ALPK2: variants seen among roughly 807,000 people sequenced by gnomAD.
The protein encoded by ALPK2 is alpha-protein kinase 2.
ALPK2 carries 127 observed loss-of-function variants against 163.1 expected under a neutral mutation model. That is an observed-to-expected ratio of 0.78 (90% CI 0.67 to 0.90). The LOEUF is 0.90. Among genes scored for constraint, ALPK2 ranks in the 40% least tolerant of loss-of-function variants. The pLI is 0.00. For missense variants in ALPK2, 2,360 were observed against 2,589.6 expected (o/e 0.91, Z 1.92); for synonymous variants, 953 against 959.1 (o/e 0.99, Z 0.12).
chr18:58,599,153 G>A (rs2052056281), intron 3 of ALPK2, among the ~76,000 whole-genome samples: 2 of 152,108 alleles, frequency 1.3e-5, no homozygotes, highest in African/African-American at 4.8e-5. Context: ...CCAGAACCTG[G>A]CCTATAACCA....
At chr18:58,503,554 C>T (rs1214545312) in intron 11 of ALPK2, among the ~76,000 whole-genome samples, 4 of 152,012 alleles carry the variant, frequency 2.6e-5, no homozygotes, top group African/African-American at 9.7e-5. Flanking sequence ...TTTTAATTAG[C>T]CAGGTGTGGT....
chr18:58,536,985 A>G lies in ALPK2; in HGVS notation c.3202T>C (p.Ser1068Pro). 1 of 1,614,174 alleles carries G rather than the reference A, an allele frequency of 6.2e-7. No individual in the cohort carries two copies. The highest frequency in any genetic ancestry group is 1.1e-5 in the South Asian group (1 of 91,082). The stretch of plus-strand genomic sequence containing the variant: ...GCCCTGCAAAGTAGCTCTTTTGTAG[A>G]TTTGATGGTAGCACCACTTAAAATA... Reference protein sequence around the residue: ...DHILSGATIKSTKELLCRAPS... With the variant: ...DHILSGATIKPTKELLCRAPS... The change falls in exon 5 of 13, where the codon TCT (serine) becomes CCT (proline). Residue 1068 changes from serine (S) to proline (P), a missense_variant. Transcript: ENST00000361673.
In ALPK2 at chr18:58,579,308, A is replaced by G. The variant is rs2144197946; in HGVS notation, c.1468T>C (p.Ser490Pro). 1 of 1,614,008 alleles carries G rather than the reference A, an allele frequency of 6.2e-7. No individual in the cohort carries two copies. Among genetic ancestry groups the G allele is most frequent in the East Asian group, 2.2e-5 (1 of 44,866 alleles). The stretch of plus-strand genomic sequence containing the variant: ...AGCTTCATCTCTGTCTCTCTTACTG[A>G]TTCATCCATGTTGAGCAGATTGTCA... ...ASDNLLNMDE[S>P]VRETEMKLLS... Residue 490 changes from serine (S) to proline (P), a missense_variant, in exon 4 of 13, where the codon TCA becomes CCA. Transcript: ENST00000361673.
Position 58,535,123 on chromosome 18 carries a change from C to G in ALPK2, c.5064G>C (p.Glu1688Asp). Residue 1688 changes from glutamate to aspartate, a missense_variant, in exon 5 of 13, where the codon GAG becomes GAC. Transcript: ENST00000361673. Reference protein sequence around the residue: ...LGCAKKSREREKSLEARAGKS... With the variant: ...LGCAKKSRERDKSLEARAGKS... ...TGCCTGCTCGGGCTTCCAGGGACTTCTCTCTCTCCCTGGACTTTTTCGCAC... is the reference window on the plus strand; with the variant it reads ...TGCCTGCTCGGGCTTCCAGGGACTTGTCTCTCTCCCTGGACTTTTTCGCAC... 6.2e-7 allele frequency: 1 copy of G among 1,614,050 alleles called. No homozygotes were observed. Among genetic ancestry groups the G allele is most frequent in the Non-Finnish European group, 8.5e-7 (1 of 1,179,980 alleles).
At chr18:58,546,192 T>G (rs2051716603) in intron 4 of ALPK2, among the ~76,000 whole-genome samples, 1 of 152,170 alleles carries the variant, frequency 6.6e-6, no homozygotes, top group Admixed American at 6.5e-5. Flanking sequence ...CTGAAACAGA[T>G]CCTAAACACC....
At chr18:58,527,871 G>A (rs2051592136) in intron 6 of ALPK2, among the ~76,000 whole-genome samples, 1 of 152,146 alleles carries the variant, frequency 6.6e-6, no homozygotes, top group Non-Finnish European at 1.5e-5. Flanking sequence ...AGTATTCCAT[G>A]ATTACATTTG....
At chr18:58,542,877 C>T (rs953640981) in intron 4 of ALPK2, among the ~76,000 whole-genome samples, 4 of 152,108 alleles carry the variant, frequency 2.6e-5, no homozygotes, top group Non-Finnish European at 4.4e-5. Context: ...TTGTGGGCTA[C>T]ATGTGGTGTG....
intron 4 of ALPK2, among the ~76,000 whole-genome samples, chr18:58,576,160 G>A (rs1218487065): frequency 1.3e-5 from 2 of 152,120 alleles, no homozygotes; most frequent in Admixed American, 1.3e-4. Context: ...GATCACCTGA[G>A]GTCAGGAGTT....
At chr18:58,525,871 T>C (rs965020064) in intron 6 of ALPK2, among the ~76,000 whole-genome samples, 1 of 149,658 alleles carries the variant, frequency 6.7e-6, no homozygotes, top group African/African-American at 2.5e-5. Context: ...GCTTTCTCCA[T>C]GATACAAAAC....
chr18:58,510,098 C>A (rs1300131661), intron 10 of ALPK2, among the ~76,000 whole-genome samples: 1 of 152,184 alleles, frequency 6.6e-6, no homozygotes, highest in Non-Finnish European at 1.5e-5. Flanking sequence ...CAGCTTTCTG[C>A]ATGTGGCTAG....
intron 10 of ALPK2, chr18:58,511,576 G>A (rs1320292592): frequency 6.8e-6 from 1 of 147,706 alleles, no homozygotes; most frequent in African/African-American, 2.4e-5. Context: ...GGCTTTACGT[G>A]GTTATTAACT....
intron 12 of ALPK2, among the ~76,000 whole-genome samples, chr18:58,487,532 T>C (rs911944679): frequency 1.3e-5 from 2 of 152,224 alleles, no homozygotes; most frequent in African/African-American, 2.4e-5. Context: ...TCTAACATAA[T>C]GGAATAAAGA....
intron 3 of ALPK2, among the ~76,000 whole-genome samples, chr18:58,592,518 G>A (rs1319863522): frequency 1.2e-4 from 19 of 152,226 alleles, no homozygotes; most frequent in Admixed American, 1.2e-3. Context: ...ATCAGGTCAT[G>A]TGTAAGGGAC....
At chr18:58,582,261 C>T (rs954840837) in intron 3 of ALPK2, among the ~76,000 whole-genome samples, 21 of 152,154 alleles carry the variant, frequency 1.4e-4, no homozygotes, top group Admixed American at 2.6e-4. Context: ...TTATACCAGA[C>T]GAATTCTTCA....
intron 4 of ALPK2, among the ~76,000 whole-genome samples, chr18:58,551,497 C>T (rs978380588): frequency 6.6e-6 from 1 of 152,206 alleles, no homozygotes; most frequent in African/African-American, 2.4e-5. Context: ...ATGACCTTAT[C>T]TTAGCTAATT....
At chr18:58,496,534 GAA>G (rs1286977542) in intron 12 of ALPK2, among the ~76,000 whole-genome samples, 1 of 152,218 alleles carries the variant, frequency 6.6e-6, no homozygotes, top group Non-Finnish European at 1.5e-5. Flanking sequence ...GAGGTTAAAA[GAA>G]AGAGCGATCC....
At chr18:58,514,854 CA>C (rs2051512838) in intron 10 of ALPK2, 138 bp downstream of exon 10, 1 of 376,044 alleles carries the variant, frequency 2.7e-6, no homozygotes, top group Admixed American at 4.5e-5. Context: ...GGTAGGATAG[CA>C]GCCGTGTGAG....
At chr18:58,540,384 C>T (rs556730138) in intron 4 of ALPK2, among the ~76,000 whole-genome samples, 2 of 152,272 alleles carry the variant, frequency 1.3e-5, no homozygotes, top group South Asian at 2.1e-4. Context: ...ATATTTATTC[C>T]CTTTCTATAT....
In ALPK2 at chr18:58,579,062, C is replaced by T. The variant is rs2144197420; in HGVS notation, c.1714G>A (p.Glu572Lys). ...LHLCSAKESA[E>K]PPLTQSDKRE... ...TTATCACTCTGGGTTAGTGGGGGCT[C>T]AGCAGATTCTTTGGCAGAGCAGAGA... Residue 572 changes from glutamate to lysine, a missense_variant, in exon 4 of 13, where the codon GAG becomes AAG. Glu to Lys is a moderately conservative substitution (Grantham distance 56). Coordinates refer to ENST00000361673, the MANE Select transcript of ALPK2 (RefSeq NM_052947.4). 1 of 1,614,194 alleles carries T rather than the reference C, an allele frequency of 6.2e-7. No homozygotes were observed. The highest frequency in any genetic ancestry group is 8.5e-7 in the Non-Finnish European group (1 of 1,180,040).
Sources: allele counts gnomAD v4.1 joint callset (sites outside exome capture counted in the v4.1 genomes callset), GRCh38; gene constraint gnomAD v4.1.1; transcripts MANE v1.5; gene names NCBI Gene and HGNC (gene_info 2026-07-23, HGNC 2026-07-21).